IL9R: variants seen among roughly 807,000 people sequenced by gnomAD.
IL9R encodes interleukin-9 receptor.
Under a neutral mutation model 56.3 loss-of-function variants are expected in IL9R, and 54 were observed. The observed-to-expected ratio is 0.96, with a 90% CI of 0.77 to 1.20. IL9R has a LOEUF of 1.20. Among genes scored for constraint, IL9R ranks in the 50% most tolerant of loss-of-function variants. IL9R has a pLI of 0.00. For missense variants in IL9R, 545 were observed against 629.8 expected, an observed-to-expected ratio of 0.87 and a Z score of 1.44; for synonymous variants, 212 against 250.2, an observed-to-expected ratio of 0.85 and a Z score of 1.44.
chrX:156,009,800 CCGTGCTCTGTTCCAGACTTGGATGG>C lies in IL9R; in HGVS notation c.973-15_982del, dbSNP rs2068368429. On this transcript the variant is annotated splice_acceptor_variant and splice_polypyrimidine_tract_variant and coding_sequence_variant and intron_variant, in exon 9 of 9. Transcript: ENST00000244174. LOFTEE classifies it high-confidence loss of function. ...ATGCTACCTGAGCCCTTCCCTCCTC[CCGTGCTCTGTTCCAGACTTGGATGG>C]GGGCCCACGGGGCCGGTGTGCTGTT... is the stretch of plus-strand genomic sequence containing the variant. 8.0e-7 allele frequency: 1 copy of C among 1,247,436 alleles called. No individual in the cohort carries two copies. 77.3% of individuals were successfully genotyped at this position (1,247,436 alleles called of 1,614,324 possible). A position where few individuals can be genotyped will look rare whatever the true frequency, so the allele number is the denominator to read the frequency against.
chrX:156,000,145 A>AAAAT lies in IL9R; in HGVS notation c.28+2359_28+2360insAATA, dbSNP rs780163667. ...AGCGAGACTCCGTCTAAAAAAAAAA[A>AAAAT]ATATATATATATATACACACATATA... On this transcript the variant is annotated intron_variant, in intron 1 of 8. Coordinates refer to ENST00000244174, the MANE Select transcript of IL9R (RefSeq NM_002186.3). 4.0e-3 allele frequency among the ~76,000 whole-genome samples: 583 copies of AAAAT among 144,250 alleles called. 4 individuals are homozygous for AAAAT. Among genetic ancestry groups the AAAAT allele is most frequent in the African/African-American group, 0.012 (436 of 37,760 alleles). The allele number at this position is 144,250 out of a possible 152,430, so 94.6% of individuals were successfully genotyped here. A position where few individuals can be genotyped will look rare whatever the true frequency, so the allele number is the denominator to read the frequency against.
chrX:156,009,757 C>A lies in IL9R; in HGVS notation c.973-59C>A, dbSNP rs1234245751. 5 of 894,790 alleles carry A rather than the reference C, an allele frequency of 5.6e-6. 1 individual carries two copies. Among genetic ancestry groups the A allele is most frequent in the Non-Finnish European group, 7.6e-6 (5 of 661,032 alleles). The allele number at this position is 894,790 out of a possible 1,614,324, so 55.4% of individuals were successfully genotyped here. A position where few individuals can be genotyped will look rare whatever the true frequency, so the allele number is the denominator to read the frequency against. On this transcript the variant is annotated intron_variant, in intron 8 of 8. Coordinates refer to ENST00000244174, the MANE Select transcript of IL9R (RefSeq NM_002186.3). ...CTTGCCAGAAAGGAGGCAGCTGCTC[C>A]CAGGATGAGTTCTGAACATGCTACC...
chrX:156,003,650 C>T (rs748231779), intron 3 of IL9R, 27 bp from the exon 4 acceptor site: 51 of 1,611,964 alleles, frequency 3.2e-5, no homozygotes, highest in African/African-American at 8.0e-5. Flanking sequence ...GTAGCAGCCC[C>T]GTGGTGCTGA....
chrX:155,997,932 C>A (rs1397578080), intron 1 of IL9R, 145 bp downstream of exon 1: 2 of 775,900 alleles, frequency 2.6e-6, no homozygotes, highest in South Asian at 1.6e-5. Flanking sequence ...CCTCTGGTGT[C>A]CTGGCCTTGT....
In IL9R at chrX:156,003,691, G is replaced by A; in HGVS notation, c.269G>A (p.Gly90Asp). The change falls in exon 4 of 9, where the codon GGC becomes GAC. Residue 90 changes from glycine (G) to aspartate (D), a missense_variant. By Grantham distance (94) the Gly-to-Asp change is moderately conservative. Coordinates refer to ENST00000244174, the MANE Select transcript of IL9R (RefSeq NM_002186.3). ...GCCCTTTCCAGCAACCAGGCTCCTG[G>A]CGGCACACATAAGTGCATCTTGCGG... is the stretch of plus-strand genomic sequence containing the variant. ...WLLFTSNQAP[G>D]GTHKCILRGS... 6.2e-7 allele frequency: 1 copy of A among 1,613,196 alleles called. No individual in the cohort carries two copies. Among genetic ancestry groups the A allele is most frequent in the Non-Finnish European group, 8.5e-7 (1 of 1,179,502 alleles).
intron 1 of IL9R, 167 bp from the exon 2 acceptor site, chrX:156,002,739 C>G (rs1245940567): frequency 1.1e-6 from 1 of 945,248 alleles, no homozygotes; most frequent in Non-Finnish European, 1.7e-6. Flanking sequence ...ATCAGTAAAG[C>G]CTGGACAGTG....
In IL9R at chrX:156,005,333, T is replaced by C. The variant is rs1360699043; in HGVS notation, c.635T>C (p.Phe212Ser). 4 of 1,612,388 alleles carry C rather than the reference T, an allele frequency of 2.5e-6. No homozygotes were observed. Among genetic ancestry groups the C allele is most frequent in the Non-Finnish European group, 1.7e-6 (2 of 1,179,816 alleles). The stretch of plus-strand genomic sequence containing the variant: ...GTGACCTGGCTTATACTTGAAGCCT[T>C]TGAGCTGGACCCTGGCTTTATCCAT... ...VGVTWLILEA[F>S]ELDPGFIHEA... Residue 212 changes from phenylalanine (F) to serine (S), a missense_variant, in exon 6 of 9, where the codon TTT becomes TCT. Phe to Ser is a radical substitution (Grantham distance 155). This residue lies in a region of IL9R where 431 missense variants were observed against 360.0 expected (regional missense o/e 1.20). Coordinates refer to ENST00000244174, the MANE Select transcript of IL9R (RefSeq NM_002186.3).
At chrX:155,999,336 A>G (rs1422803452) in intron 1 of IL9R, among the ~76,000 whole-genome samples, 1 of 152,026 alleles carries the variant, frequency 6.6e-6, no homozygotes, top group Non-Finnish European at 1.5e-5. Flanking sequence ...GCGTTCCCAC[A>G]GGCATTTACC....
rs1445600027 is a variant in IL9R at position 156,003,466 on chromosome X, T to G, written c.160T>G (p.Phe54Val). The G allele has an allele frequency of 6.2e-6, 10 of 1,611,726 alleles. No homozygotes were observed. In the South Asian group the frequency reaches 1.1e-4, roughly 18 times the overall value. Residue 54 changes from phenylalanine (F) to valine (V), a missense_variant, in exon 3 of 9, where the codon TTC becomes GTC. Physicochemically the swap from Phe to Val is conservative, Grantham distance 50. Around this residue, in one of 2 missense-constraint regions of IL9R, gnomAD observed 431 missense variants for 360.0 expected, o/e 1.20. Transcript: ENST00000244174. The part of the protein sequence containing the change: ...GEGQGPRSRT[F>V]TCLTNNILRI... Reference sequence around the variant, plus strand: ...GTCTCCAGGGCCAAGGTCTAGAACCTTCACCTGCCTCACCAACAACATTCT... The same window carrying G: ...GTCTCCAGGGCCAAGGTCTAGAACCGTCACCTGCCTCACCAACAACATTCT...
At chrX:155,999,519 A>G (rs1474922943) in intron 1 of IL9R, among the ~76,000 whole-genome samples, 1 of 151,820 alleles carries the variant, frequency 6.6e-6, no homozygotes, top group Non-Finnish European at 1.5e-5. Context: ...CCTCCTGCCC[A>G]TCCCTACCCC....
chrX:155,998,304 T>C (rs1224817692), intron 1 of IL9R, among the ~76,000 whole-genome samples: 1 of 151,374 alleles, frequency 6.6e-6, no homozygotes, highest in Admixed American at 6.6e-5. Context: ...GGGCAGCAGG[T>C]GAGGGTGGGA....
chrX:156,009,547 G>C (rs1411043547), intron 8 of IL9R, among the ~76,000 whole-genome samples: 1 of 145,306 alleles, frequency 6.9e-6, no homozygotes, highest in Non-Finnish European at 1.5e-5. Context: ...CTGTACCTCG[G>C]TTCAGGCTGC....
chrX:156,004,580 G>A lies in IL9R; in HGVS notation c.579+15G>A. 6.2e-7 allele frequency: 1 copy of A among 1,611,940 alleles called. No individual in the cohort carries two copies. The stretch of plus-strand genomic sequence containing the variant: ...AGGCCTGGGAGGTAACACTTTGGCT[G>A]GCTTTCCCTGGGGGCCTCTCTCCTG... On this transcript the variant is annotated intron_variant, in intron 5 of 8. Transcript: ENST00000244174.
At chrX:155,997,857 TGG>T in intron 1 of IL9R, 70 bp downstream of exon 1, 5 of 1,449,986 alleles carry the variant, frequency 3.4e-6, no homozygotes, top group Non-Finnish European at 4.8e-6. Flanking sequence ...GAGGGACATG[TGG>T]CCCTCCAACT....
intron 7 of IL9R, 149 bp from the exon 8 acceptor site, chrX:156,007,374 A>T (rs1228770445): frequency 3.2e-6 from 2 of 634,882 alleles, no homozygotes; most frequent in Non-Finnish European, 5.7e-6. Flanking sequence ...CTGCCCTGAG[A>T]GTGGGTTGGA....
chrX:156,000,822 C>T lies in IL9R; in HGVS notation c.29-2084C>T, dbSNP rs147979111. On this transcript the variant is annotated intron_variant, in intron 1 of 8. Transcript: ENST00000244174. ...CTGGGGCATGTGCTGAGTGGTGCCTCGCAGGCACTGCCCTCGGGAAGTTCA... is the reference window on the plus strand; with the variant it reads ...CTGGGGCATGTGCTGAGTGGTGCCTTGCAGGCACTGCCCTCGGGAAGTTCA... Among the ~76,000 whole-genome samples the T allele has an allele frequency of 4.7e-3, 717 of 152,230 alleles. 18 individuals carry two copies. In the East Asian group the frequency reaches 0.048, roughly 10 times the overall value.
In IL9R at chrX:156,006,433, G is replaced by C. The variant is rs765344372; in HGVS notation, c.887+245G>C. Among the ~76,000 whole-genome samples the C allele has an allele frequency of 4.7e-4, 70 of 148,682 alleles. 1 individual carries two copies. The East Asian group carries it at 0.013, about 29-fold the overall frequency. On this transcript the variant is annotated intron_variant, in intron 7 of 8. Transcript: ENST00000244174. ...AAGTTGCCAGGGGAGAGCAGGGAAGGGGGGTCTGAGGCAGAGGCTGAAGAT... is the reference window on the plus strand; with the variant it reads ...AAGTTGCCAGGGGAGAGCAGGGAAGCGGGGTCTGAGGCAGAGGCTGAAGAT...
At chrX:156,003,116 T>G in intron 2 of IL9R, 97 bp downstream of exon 2, 1 of 1,530,038 alleles carries the variant, frequency 6.5e-7, no homozygotes, top group Non-Finnish European at 9.0e-7. Context: ...AGGGAAAGGT[T>G]TGGCCCAAAC....
chrX:156,008,608 C>G (rs1274510827), intron 8 of IL9R, among the ~76,000 whole-genome samples: 1 of 152,156 alleles, frequency 6.6e-6, no homozygotes. Context: ...CAGCTGTTCC[C>G]TAGAGAACTA....
Sources: allele counts gnomAD v4.1 joint callset (sites outside exome capture counted in the v4.1 genomes callset), GRCh38; gene constraint gnomAD v4.1.1; regional missense constraint gnomAD v4.1.1; transcripts MANE v1.5; gene names NCBI Gene and HGNC (gene_info 2026-07-23, HGNC 2026-07-21).